CHODL: variants seen among roughly 807,000 people sequenced by gnomAD.
The protein encoded by CHODL is chondrolectin.
In CHODL, 29 loss-of-function variants were observed where a neutral mutation model predicts 34.5. The ratio of observed to expected loss-of-function variants is 0.84; its 90% CI spans 0.63 to 1.15. The LOEUF (loss-of-function observed/expected upper bound fraction) is 1.15. Ranked by LOEUF, CHODL falls within the 50% of genes most tolerant of loss-of-function variation. The pLI is 0.00. For missense variants in CHODL, 332 were observed against 332.5 expected, an observed-to-expected ratio of 1.00 and a Z score of 0.01; for synonymous variants, 125 against 116.1, an observed-to-expected ratio of 1.08 and a Z score of -0.49.
At chr21:18,217,437 A>G (rs2073841098) in intron 2 of CHODL, among the ~76,000 whole-genome samples, 1 of 152,166 alleles carries the variant, frequency 6.6e-6, no homozygotes, top group African/African-American at 2.4e-5. Flanking sequence ...TTACAAAACC[A>G]TCAGATCTCA....
At chr21:18,101,709 A>T (rs1193580221) in intron 2 of CHODL, among the ~76,000 whole-genome samples, 1 of 124,724 alleles carries the variant, frequency 8.0e-6, no homozygotes, top group Non-Finnish European at 1.8e-5. Flanking sequence ...ATTTCCATTT[A>T]CAACATTTTT....
At chr21:18,167,309 A>ATTTTT (rs71318131) in intron 2 of CHODL, among the ~76,000 whole-genome samples, 5,292 of 103,014 alleles carry the variant, frequency 0.051, 559 homozygotes, top group East Asian at 0.16. Flanking sequence ...TTCTATTAAG[A>ATTTTT]TTTTTTTTTT....
At chr21:18,071,607 G>A (rs2064806284) in intron 2 of CHODL, among the ~76,000 whole-genome samples, 1 of 151,976 alleles carries the variant, frequency 6.6e-6, no homozygotes, top group Admixed American at 6.6e-5. Flanking sequence ...TTTCATTTCA[G>A]GCTCAGAAAA....
At chr21:18,140,998 T>A (rs2072794561) in intron 2 of CHODL, among the ~76,000 whole-genome samples, 1 of 152,026 alleles carries the variant, frequency 6.6e-6, no homozygotes, top group Non-Finnish European at 1.5e-5. Context: ...GCTATTTAGA[T>A]ATCAATAAGT....
Position 18,017,588 on chromosome 21 carries a change from A to G in CHODL, c.-144-10284A>G, listed in dbSNP as rs1269027821. Among the ~76,000 whole-genome samples, 6 of 152,232 alleles carry G rather than the reference A, an allele frequency of 3.9e-5. No homozygotes were observed. In the South Asian group the frequency reaches 1.2e-3, roughly 31 times the overall value. ...ATTGCAAGAGTGAGTGAGGCTTGGC[A>G]GTCTCATAGATTTCAGAGGACGTAT... On this transcript the variant is annotated intron_variant, in intron 1 of 6. Coordinates refer to the CHODL transcript ENST00000400127.
At chr21:18,083,628 G>A (rs1266801647) in intron 2 of CHODL, among the ~76,000 whole-genome samples, 1 of 152,224 alleles carries the variant, frequency 6.6e-6, no homozygotes, top group Non-Finnish European at 1.5e-5. Context: ...TGTTACATCA[G>A]TGTGCCCTGG....
chr21:18,154,820 A>G (rs2073014163), intron 2 of CHODL, among the ~76,000 whole-genome samples: 1 of 152,196 alleles, frequency 6.6e-6, no homozygotes, highest in African/African-American at 2.4e-5. Context: ...TGACAACAAA[A>G]TGAGAATGAT....
intron 4 of CHODL, among the ~76,000 whole-genome samples, chr21:18,261,362 A>T (rs1169876300): frequency 7.1e-5 from 8 of 112,310 alleles, no homozygotes; most frequent in African/African-American, 2.8e-4. Context: ...AAGTATGATA[A>T]AAAAAAAAAA....
chr21:17,934,655 T>C lies in CHODL; in HGVS notation c.-145+17255T>C, dbSNP rs188858864. ...TTTTGGTCCCTTTAAGTTTTTATTATAACGTTTTTCATCCCACCTCTTCCT... is the reference window on the plus strand; with the variant it reads ...TTTTGGTCCCTTTAAGTTTTTATTACAACGTTTTTCATCCCACCTCTTCCT... On this transcript the variant is annotated intron_variant, in intron 1 of 6. Transcript: ENST00000400127. 3.8e-3 allele frequency among the ~76,000 whole-genome samples: 580 copies of C among 152,340 alleles called. 7 individuals carry two copies. The highest frequency in any genetic ancestry group is 0.013 in the African/African-American group (544 of 41,586).
chr21:18,051,858 G>GT (rs772767928), intron 2 of CHODL, among the ~76,000 whole-genome samples: 2 of 151,750 alleles, frequency 1.3e-5, no homozygotes, highest in Non-Finnish European at 2.9e-5. Flanking sequence ...AAAGAATCTT[G>GT]TTTTTATATA....
In CHODL at chr21:18,096,239, G is replaced by A. The variant is rs138755883; in HGVS notation, c.-45+68268G>A. On this transcript the variant is annotated intron_variant, in intron 2 of 6. Coordinates refer to the CHODL transcript ENST00000400127. Reference sequence around the variant, plus strand: ...AAGCTAAGGATGTATGTCACCTCAGGACCCTGTGATGATTGTGTTATCTGT... The same window carrying A: ...AAGCTAAGGATGTATGTCACCTCAGAACCCTGTGATGATTGTGTTATCTGT... 3.4e-3 allele frequency among the ~76,000 whole-genome samples: 520 copies of A among 152,094 alleles called. 4 individuals carry two copies. The highest frequency in any genetic ancestry group is 0.012 in the African/African-American group (495 of 41,496).
intron 2 of CHODL, among the ~76,000 whole-genome samples, chr21:18,081,918 G>T (rs1373431445): frequency 6.6e-6 from 1 of 152,034 alleles, no homozygotes; most frequent in East Asian, 1.9e-4. Context: ...TGATCATTTG[G>T]TTTTTGTCCT....
chr21:18,028,455 G>A (rs1313665336), intron 2 of CHODL, among the ~76,000 whole-genome samples: 1 of 151,856 alleles, frequency 6.6e-6, no homozygotes, highest in Non-Finnish European at 1.5e-5. Flanking sequence ...CCAGCACTTT[G>A]GGAGGCCAAG....
chr21:18,006,242 A>G (rs2063959827), intron 1 of CHODL, among the ~76,000 whole-genome samples: 1 of 152,152 alleles, frequency 6.6e-6, no homozygotes, highest in African/African-American at 2.4e-5. Context: ...CAGCATGAAA[A>G]TGGACTGATA....
intron 2 of CHODL, among the ~76,000 whole-genome samples, chr21:18,193,044 G>A (rs2073529544): frequency 6.6e-6 from 1 of 151,940 alleles, no homozygotes; most frequent in Admixed American, 6.6e-5. Context: ...AGACATTTAG[G>A]TCTACGTAGA....
chr21:18,086,312 C>T lies in CHODL; in HGVS notation c.-45+58341C>T, dbSNP rs374799068. 5.9e-5 allele frequency among the ~76,000 whole-genome samples: 9 copies of T among 152,040 alleles called. No homozygotes were observed. In the East Asian group the frequency reaches 1.5e-3, roughly 26 times the overall value. On this transcript the variant is annotated intron_variant, in intron 2 of 6. Transcript: ENST00000400127. ...CAGATTTCTCTTGCATCTGATTGAG[C>T]TCCTTTTAAATCAATATTTTAAATT...
Position 18,267,347 on chromosome 21 carries a change from T to TAA in CHODL, c.*1311_*1312dup, listed in dbSNP as rs745889536. ...TGTCCCTGTGCTCCTTTTAACCAAA[T>TAA]AAAGAGTTCTTGTTTCTGAAGAATG... On this transcript the variant is annotated 3_prime_UTR_variant, in exon 6 of 6. Coordinates refer to ENST00000299295, the MANE Select transcript of CHODL (RefSeq NM_024944.3). 7 of 152,224 alleles carry TAA rather than the reference T, an allele frequency of 4.6e-5. No homozygotes were observed. Among genetic ancestry groups the TAA allele is most frequent in the Non-Finnish European group, 8.8e-5 (6 of 68,026 alleles). The allele number at this position is 152,224 out of a possible 1,614,324, so 9.4% of individuals were successfully genotyped here. A position where few individuals can be genotyped will look rare whatever the true frequency, so the allele number is the denominator to read the frequency against.
intron 2 of CHODL, among the ~76,000 whole-genome samples, chr21:18,227,320 G>A (rs2073939770): frequency 6.6e-6 from 1 of 152,076 alleles, no homozygotes; most frequent in African/African-American, 2.4e-5. Context: ...TTTTCTAATT[G>A]CAATAAGTTT....
chr21:18,220,674 A>C (rs908344897), intron 2 of CHODL, among the ~76,000 whole-genome samples: 1 of 151,404 alleles, frequency 6.6e-6, no homozygotes, highest in Admixed American at 6.6e-5. Flanking sequence ...GCTTTGATGG[A>C]TATAGTATTC....
Sources: gnomAD v4.1 joint callset for allele counts (sites outside exome capture counted in the v4.1 genomes callset) on GRCh38, gnomAD v4.1.1 for gene constraint, MANE v1.5 for transcripts, NCBI Gene and HGNC (gene_info 2026-07-23, HGNC 2026-07-21) for gene names.